Variants in NLRP5 observed in about 807,000 individuals in gnomAD.
NLRP5 encodes the protein NLR family pyrin domain containing 5.
Under a neutral mutation model 113.1 loss-of-function variants are expected in NLRP5, and 93 were observed. The ratio of observed to expected loss-of-function variants is 0.82; its 90% confidence interval spans 0.70 to 0.98. The LOEUF (loss-of-function observed/expected upper bound fraction) is 0.98, where lower values mean the gene tolerates loss of function less well. NLRP5 is among the 50% of genes least tolerant of loss of function. The pLI is 0.00. For missense variants in NLRP5, 1,808 were observed against 1,514.3 expected (o/e 1.19, Z -3.22); for synonymous variants, 751 against 600.7 (o/e 1.25, Z -3.66).
rs1982293272 is a variant in NLRP5, at chr19:56,013,602, T to TTTTTTTTTTTTTTTTTTG, written c.509-2125_509-2124insTTGTTTTTTTTTTTTTTT. Among the ~76,000 whole-genome samples, 3 of 131,900 alleles carry TTTTTTTTTTTTTTTTTTG rather than the reference T, an allele frequency of 2.3e-5. No homozygotes were observed. In the Admixed American group the frequency reaches 2.5e-4, roughly 11 times the overall value. 86.5% of individuals were successfully genotyped at this position (131,900 alleles called of 152,430 possible). A position where few individuals can be genotyped will look rare whatever the true frequency, so the allele number is the denominator to read the frequency against. On this transcript the variant is annotated intron_variant, in intron 3 of 14. Transcript: ENST00000390649. ...TCACATGATGGACATTTGGGTTTTT[T>TTTTTTTTTTTTTTTTTTG]TTTTTTTTTTTTTTTGCTATTATGA...
chr19:56,019,187 C>G lies in NLRP5; in HGVS notation c.566-155C>G, dbSNP rs58902084. ...AAGCTTTGAATTAGTGCTCATTGTA[C>G]CAGTGCACTCTGTCTTCTAGCTGAG... On this transcript the variant is annotated intron_variant, in intron 4 of 14. Transcript: ENST00000390649. 7.8e-3 allele frequency: 5,957 copies of G among 761,448 alleles called. 273 individuals carry two copies. In the African/African-American group the frequency reaches 0.093, roughly 12 times the overall value. The allele number at this position is 761,448 out of a possible 1,614,324, so 47.2% of individuals were successfully genotyped here. A position where few individuals can be genotyped will look rare whatever the true frequency, so the allele number is the denominator to read the frequency against.
chr19:56,055,691 G>A (rs535225662), intron 13 of NLRP5, among the ~76,000 whole-genome samples: 11 of 151,376 alleles, frequency 7.3e-5, no homozygotes, highest in East Asian at 2.0e-4. Flanking sequence ...GACTACAGGT[G>A]CCCGCCACCA....
intron 4 of NLRP5, among the ~76,000 whole-genome samples, chr19:56,019,077 C>CAT (rs1568487470): frequency 6.6e-6 from 1 of 151,974 alleles, no homozygotes; most frequent in Non-Finnish European, 1.5e-5. Context: ...ATTACAGGTG[C>CAT]GAACGACCAC....
intron 4 of NLRP5, among the ~76,000 whole-genome samples, chr19:56,018,239 A>T (rs1410472238): frequency 2.0e-5 from 3 of 152,212 alleles, no homozygotes; most frequent in African/African-American, 4.8e-5. Flanking sequence ...TTGTGATTTT[A>T]AAAAATCTAT....
chr19:56,005,186 CAT>C (rs202216203), intron 2 of NLRP5, among the ~76,000 whole-genome samples: 72 of 142,116 alleles, frequency 5.1e-4, no homozygotes, highest in African/African-American at 1.5e-3. Context: ...TATATACACA[CAT>C]ATTTTTATAT....
At chr19:56,015,900 T>G in intron 4 of NLRP5, 102 bp downstream of exon 4, 1 of 823,834 alleles carries the variant, frequency 1.2e-6, no homozygotes, top group East Asian at 2.9e-5. Context: ...TTCCCTTTCT[T>G]CATCCTCATT....
chr19:56,019,204 C>T, intron 4 of NLRP5, 138 bp from the exon 5 acceptor site: 2 of 931,074 alleles, frequency 2.1e-6, no homozygotes, highest in Non-Finnish European at 3.3e-6. Context: ...ACTCTGTCTT[C>T]TAGCTGAGAC....
rs1491011983 is a variant in NLRP5, at chr19:56,055,533, C to CTTTTTTTTTTTTTTTTTTTTTTTT, written c.3299+1726_3299+1727insTTTTTTTTTTTTTTTTTTTTTTTT. ...AGCTCCATGTTCTATTTTTCTTTCT[C>CTTTTTTTTTTTTTTTTTTTTTTTT]TGTCTTTTTTTTTTTTTTTTTTTTT... is the stretch of plus-strand genomic sequence containing the variant. On this transcript the variant is annotated intron_variant, in intron 13 of 14. Transcript: ENST00000390649. Among the ~76,000 whole-genome samples the CTTTTTTTTTTTTTTTTTTTTTTTT allele has an allele frequency of 3.0e-4, 30 of 99,538 alleles. 3 individuals carry two copies. The highest frequency in any genetic ancestry group is 4.1e-4 in the Non-Finnish European group (20 of 48,252). The allele number at this position is 99,538 out of a possible 152,430, so 65.3% of individuals were successfully genotyped here.
rs1491011983 is a variant in NLRP5 at position 56,055,533 on chromosome 19, C to CTTTTTTTTTTTT, written c.3299+1726_3299+1727insTTTTTTTTTTTT. ...AGCTCCATGTTCTATTTTTCTTTCT[C>CTTTTTTTTTTTT]TGTCTTTTTTTTTTTTTTTTTTTTT... On this transcript the variant is annotated intron_variant, in intron 13 of 14. Coordinates refer to ENST00000390649, the MANE Select transcript of NLRP5 (RefSeq NM_153447.4). Among the ~76,000 whole-genome samples the CTTTTTTTTTTTT allele has an allele frequency of 1.5e-3, 152 of 99,514 alleles. 13 individuals are homozygous for CTTTTTTTTTTTT. Among genetic ancestry groups the CTTTTTTTTTTTT allele is most frequent in the Non-Finnish European group, 2.3e-3 (112 of 48,244 alleles). The allele number at this position is 99,514 out of a possible 152,430, so 65.3% of individuals were successfully genotyped here.
intron 7 of NLRP5, 27 bp downstream of exon 7, chr19:56,028,536 A>G (rs1453827001): frequency 1.1e-5 from 17 of 1,595,736 alleles, no homozygotes; most frequent in Non-Finnish European, 1.4e-5. Flanking sequence ...GTTTTATCCT[A>G]TGCCGTGTGC....
In NLRP5 at chr19:56,020,372, C is replaced by A. The variant is rs1224747496; in HGVS notation, c.623-3C>A. The A allele has an allele frequency of 3.7e-6, 6 of 1,608,570 alleles. No homozygotes were observed. Among genetic ancestry groups the A allele is most frequent in the Non-Finnish European group, 5.1e-6 (6 of 1,177,176 alleles). On this transcript the variant is annotated splice_polypyrimidine_tract_variant and splice_region_variant and intron_variant, in intron 5 of 14. Coordinates refer to ENST00000390649, the MANE Select transcript of NLRP5 (RefSeq NM_153447.4). ...AAGTATGTTGGAATTCATTCTTTTG[C>A]AGAAATTTCACAAGCTATGGAACAA...
At chr19:56,015,523 G>T (rs1167404758) in intron 3 of NLRP5, among the ~76,000 whole-genome samples, 1 of 152,168 alleles carries the variant, frequency 6.6e-6, no homozygotes, top group African/African-American at 2.4e-5. Context: ...TTTACTGCCA[G>T]TGTATAGAAA....
chr19:56,018,960 A>C (rs1442705355), intron 4 of NLRP5, among the ~76,000 whole-genome samples: 2 of 152,052 alleles, frequency 1.3e-5, no homozygotes, highest in Non-Finnish European at 2.9e-5. Context: ...TCCCTGGCTA[A>C]CTTTTTGTAT....
Position 56,027,996 on chromosome 19 carries a change from A to G in NLRP5, c.1763A>G (p.Gln588Arg), listed in dbSNP as rs777669205. 3 of 1,613,866 alleles carry G rather than the reference A, an allele frequency of 1.9e-6. No homozygotes were observed. The highest frequency in any genetic ancestry group is 1.7e-5 in the Admixed American group (1 of 59,994). ...TACACCTTCTTCCACCTCAGTCTCCAGGACTTCTGTGCCGCCTTGTACTAC... is the reference window on the plus strand; with the variant it reads ...TACACCTTCTTCCACCTCAGTCTCCGGGACTTCTGTGCCGCCTTGTACTAC... Residue 588 changes from glutamine (Q) to arginine (R), a missense_variant, in exon 7 of 15, where the codon CAG (glutamine) becomes CGG (arginine). By Grantham distance (43) the Gln-to-Arg change is conservative. Transcript: ENST00000390649.
chr19:56,022,062 A>G (rs60580500), intron 6 of NLRP5, among the ~76,000 whole-genome samples: 3,406 of 152,276 alleles, frequency 0.022, 121 homozygotes, highest in African/African-American at 0.079. Context: ...TATTTGAAAA[A>G]CTAATGGTTG....
At chr19:56,024,943 A>G (rs1982780333) in intron 6 of NLRP5, among the ~76,000 whole-genome samples, 3 of 131,040 alleles carry the variant, frequency 2.3e-5, no homozygotes, top group Admixed American at 7.2e-5. Context: ...CCCATGACTC[A>G]TGTTACCACC....
chr19:56,022,669 A>G (rs777953002), intron 6 of NLRP5, among the ~76,000 whole-genome samples: 4 of 152,204 alleles, frequency 2.6e-5, no homozygotes, highest in Non-Finnish European at 4.4e-5. Context: ...TTTTCTTGTT[A>G]TCACTTAGAA....
rs777935175 is a variant in NLRP5 at position 56,027,514 on chromosome 19, G to C, written c.1281G>C (p.Leu427=). 1.2e-6 allele frequency: 2 copies of C among 1,613,862 alleles called. No individual in the cohort carries two copies. Among genetic ancestry groups the C allele is most frequent in the Non-Finnish European group, 1.7e-6 (2 of 1,179,812 alleles). Residue 427 remains leucine, a synonymous_variant, in exon 7 of 15, where the codon CTG becomes CTC. Transcript: ENST00000390649. ...CAGAGGTCGTGTCTCCCCGTTACCT[G>C]TTAGTTAGAGGAATCTCCGGGGAAC...
rs1243049190 is a variant in NLRP5 at position 56,027,428 on chromosome 19, C to G, written c.1195C>G (p.Leu399Val). Residue 399 changes from leucine to valine, a missense_variant, in exon 7 of 15, where the codon CTG (leucine) becomes GTG (valine). Physicochemically the swap from Leu to Val is conservative, Grantham distance 32. Coordinates refer to ENST00000390649, the MANE Select transcript of NLRP5 (RefSeq NM_153447.4). ...CATACGCAGTCTGCTGAGGAAGGTCCTGCTCCCTGAGTCCTTCCTGATCGT... is the reference window on the plus strand; with the variant it reads ...CATACGCAGTCTGCTGAGGAAGGTCGTGCTCCCTGAGTCCTTCCTGATCGT... 3 of 1,613,538 alleles carry G rather than the reference C, an allele frequency of 1.9e-6. No homozygotes were observed. In the South Asian group the frequency reaches 3.3e-5, roughly 18 times the overall value.
Sources: gnomAD v4.1 joint callset for allele counts (sites outside exome capture counted in the v4.1 genomes callset) on GRCh38, gnomAD v4.1.1 for gene constraint, MANE v1.5 for transcripts, NCBI Gene and HGNC (gene_info 2026-07-23, HGNC 2026-07-21) for gene names.